Variants in HOOK3 observed in about 807,000 individuals in gnomAD.
HOOK3 encodes protein Hook homolog 3.
A neutral mutation model predicts 116.3 loss-of-function variants in HOOK3; 24 were observed. The ratio of observed to expected loss-of-function variants is 0.21; its 90% confidence interval spans 0.15 to 0.29. HOOK3 has a LOEUF of 0.29. Among genes scored for constraint, HOOK3 ranks in the 10% least tolerant of loss-of-function variants. The probability of loss-of-function intolerance (pLI) is 1.00; values close to 1 mark genes in which losing one functional copy is unlikely to be tolerated. For missense variants in HOOK3, 632 were observed against 830.2 expected (o/e 0.76, Z 2.93); for synonymous variants, 275 against 283.0 (o/e 0.97, Z 0.28).
At chr8:43,016,330 C>G (rs1201019238) in intron 21 of HOOK3, among the ~76,000 whole-genome samples, 1 of 152,058 alleles carries the variant, frequency 6.6e-6, no homozygotes, top group African/African-American at 2.4e-5. Context: ...CCGTTTTAGC[C>G]AGGATGGTCT....
intron 9 of HOOK3, 98 bp from the exon 10 acceptor site, chr8:42,966,375 G>T: frequency 7.9e-7 from 1 of 1,262,268 alleles, no homozygotes; most frequent in Non-Finnish European, 1.1e-6. Context: ...TACTCAAGAA[G>T]GCTTTATTCT....
In HOOK3 at chr8:43,020,641, G is replaced by C. The variant is rs1809807035; in HGVS notation, c.*2143G>C. 1 of 174,950 alleles carries C rather than the reference G, an allele frequency of 5.7e-6. No individual in the cohort carries two copies. Among genetic ancestry groups the C allele is most frequent in the African/African-American group, 2.4e-5 (1 of 42,178 alleles). 10.8% of individuals were successfully genotyped at this position (174,950 alleles called of 1,614,324 possible). ...AGGCAGGAGAGTCACTTGAACTCAGGAGCCAGAGACTGCAGTGAGCTGAGA... is the reference window on the plus strand; with the variant it reads ...AGGCAGGAGAGTCACTTGAACTCAGCAGCCAGAGACTGCAGTGAGCTGAGA... On this transcript the variant is annotated 3_prime_UTR_variant, in exon 22 of 22. Transcript: ENST00000307602.
At chr8:42,917,379 T>C (rs1175592193) in intron 2 of HOOK3, among the ~76,000 whole-genome samples, 2 of 152,220 alleles carry the variant, frequency 1.3e-5, no homozygotes, top group Non-Finnish European at 2.9e-5. Context: ...CAGTCTCCGG[T>C]ACCTCTCCCT....
In HOOK3 at chr8:42,906,145, T is replaced by TCC. The variant is rs80157780; in HGVS notation, c.58-19_58-18dup. ...TCTACAGAGGTAACCACAGAATCTC[T>TCC]CCCCCCCCCCTCTTTTTTTCCCTTC... is the stretch of plus-strand genomic sequence containing the variant. On this transcript the variant is annotated intron_variant, in intron 1 of 21. Coordinates refer to ENST00000307602, the MANE Select transcript of HOOK3 (RefSeq NM_032410.4). 227 of 536,772 alleles carry TCC rather than the reference T, an allele frequency of 4.2e-4. 1 individual carries two copies. The highest frequency in any genetic ancestry group is 3.8e-3 in the African/African-American group (141 of 37,312). The allele number at this position is 536,772 out of a possible 1,614,324, so 33.3% of individuals were successfully genotyped here.
chr8:42,926,527 C>T (rs1807768626), intron 3 of HOOK3, among the ~76,000 whole-genome samples: 1 of 152,218 alleles, frequency 6.6e-6, no homozygotes, highest in South Asian at 2.1e-4. Context: ...CTCAGGTGAT[C>T]TGCCCACCTT....
rs1065418 is a variant in HOOK3, at chr8:43,020,459, A to G, written c.*1961A>G. On this transcript the variant is annotated 3_prime_UTR_variant, in exon 22 of 22. Transcript: ENST00000307602. ...CCAGACGTGGTGCCTCACGCCTGCA[A>G]TCTCACCATTTGGGAGACCTAGGTG... is the stretch of plus-strand genomic sequence containing the variant. 4.3e-5 allele frequency: 8 copies of G among 185,500 alleles called. No homozygotes were observed. Among genetic ancestry groups the G allele is most frequent in the Admixed American group, 1.2e-4 (2 of 16,066 alleles). 11.5% of individuals were successfully genotyped at this position (185,500 alleles called of 1,614,324 possible).
intron 1 of HOOK3, among the ~76,000 whole-genome samples, chr8:42,902,472 A>G (rs1043110709): frequency 2.0e-5 from 3 of 151,958 alleles, no homozygotes; most frequent in Admixed American, 6.6e-5. Flanking sequence ...GAATTTTGCC[A>G]TGTTTTTCAG....
intron 13 of HOOK3, among the ~76,000 whole-genome samples, chr8:42,974,689 G>A (rs1414926969): frequency 6.6e-6 from 1 of 152,218 alleles, no homozygotes; most frequent in Non-Finnish European, 1.5e-5. Flanking sequence ...GGTCCAGATG[G>A]TGGTCCGAAC....
At chr8:42,941,736 C>T (rs2130383617) in intron 4 of HOOK3, among the ~76,000 whole-genome samples, 1 of 152,112 alleles carries the variant, frequency 6.6e-6, no homozygotes, top group South Asian at 2.1e-4. Flanking sequence ...AGTGACATGC[C>T]TCCCCCATCC....
At chr8:42,974,642 C>T (rs921072644) in intron 13 of HOOK3, among the ~76,000 whole-genome samples, 2 of 152,232 alleles carry the variant, frequency 1.3e-5, no homozygotes, top group Non-Finnish European at 2.9e-5. Context: ...CGCTCCTCCT[C>T]GCAAAGCCCG....
At chr8:42,986,550 G>A in intron 14 of HOOK3, 105 bp from the exon 15 acceptor site, 1 of 742,144 alleles carries the variant, frequency 1.3e-6, no homozygotes, top group Admixed American at 3.5e-5. Flanking sequence ...TTCTGTTCTG[G>A]TATTAAATTT....
intron 2 of HOOK3, among the ~76,000 whole-genome samples, chr8:42,910,380 A>G (rs930473938): frequency 6.6e-6 from 1 of 151,716 alleles, no homozygotes; most frequent in African/African-American, 2.4e-5. Context: ...TTGTTGAGAT[A>G]TGTCACACAC....
rs2130505738 is a variant in HOOK3 at position 43,025,315 on chromosome 8, A to G, written c.*6817A>G. On this transcript the variant is annotated 3_prime_UTR_variant, in exon 22 of 22. Coordinates refer to ENST00000307602, the MANE Select transcript of HOOK3 (RefSeq NM_032410.4). ...ATGCTGTGTGTGTTTGCATGAGTAT[A>G]GAAACCTAAGAACATAATGGAAGGC... The G allele has an allele frequency of 1.9e-5, 4 of 210,648 alleles. 1 individual carries two copies. The South Asian group carries it at 7.5e-4, about 39-fold the overall frequency. 13.0% of individuals were successfully genotyped at this position (210,648 alleles called of 1,614,324 possible). A position where few individuals can be genotyped will look rare whatever the true frequency, so the allele number is the denominator to read the frequency against.
rs1206562745 is a variant in HOOK3, at chr8:43,028,433, A to G, written c.*9935A>G. 1 of 185,058 alleles carries G rather than the reference A, an allele frequency of 5.4e-6. No homozygotes were observed. The highest frequency in any genetic ancestry group is 1.1e-5 in the Non-Finnish European group (1 of 87,454). The allele number at this position is 185,058 out of a possible 1,614,324, so 11.5% of individuals were successfully genotyped here. On this transcript the variant is annotated 3_prime_UTR_variant, in exon 22 of 22. Transcript: ENST00000307602. Reference sequence around the variant, plus strand: ...ATTCATATGAATGCTTATTTCAAATAAAGATTGATAGATTTAATGATATCC... The same window carrying G: ...ATTCATATGAATGCTTATTTCAAATGAAGATTGATAGATTTAATGATATCC...
intron 19 of HOOK3, 22 bp from the exon 20 acceptor site, chr8:43,013,029 T>C (rs751809242): frequency 2.7e-6 from 4 of 1,463,414 alleles, no homozygotes; most frequent in Non-Finnish European, 3.8e-6. Flanking sequence ...TTTTTAAATT[T>C]TTCTTTTATT....
At chr8:42,943,960 A>C (rs1808176281) in intron 5 of HOOK3, among the ~76,000 whole-genome samples, 1 of 152,198 alleles carries the variant, frequency 6.6e-6, no homozygotes, top group African/African-American at 2.4e-5. Flanking sequence ...TAAATTTTGA[A>C]TTGGGTTTCC....
At chr8:42,972,088 T>G (rs912155269) in intron 11 of HOOK3, among the ~76,000 whole-genome samples, 8 of 152,234 alleles carry the variant, frequency 5.3e-5, no homozygotes, top group Non-Finnish European at 1.2e-4. Flanking sequence ...ATTCTGTTAT[T>G]TTTTGGTTGT....
At chr8:42,903,382 T>C (rs1410273625) in intron 1 of HOOK3, among the ~76,000 whole-genome samples, 1 of 144,858 alleles carries the variant, frequency 6.9e-6, no homozygotes, top group Non-Finnish European at 1.5e-5. Flanking sequence ...TCTCGCTCTG[T>C]GGCCCAGGTT....
chr8:43,007,306 A>T (rs1285941254), intron 17 of HOOK3, among the ~76,000 whole-genome samples: 2 of 152,038 alleles, frequency 1.3e-5, no homozygotes, highest in Non-Finnish European at 2.9e-5. Context: ...TCGGTTCTTC[A>T]TTCTTCCTCC....
Sources: gnomAD v4.1 joint callset for allele counts (sites outside exome capture counted in the v4.1 genomes callset) on GRCh38, gnomAD v4.1.1 for gene constraint, MANE v1.5 for transcripts, NCBI Gene and HGNC (gene_info 2026-07-23, HGNC 2026-07-21) for gene names.